The following GPM6A variants were observed in gnomAD, a reference collection of about 807,000 sequenced individuals.
GPM6A encodes glycoprotein M6A.
GPM6A carries 7 observed loss-of-function variants against 32.1 expected under a neutral mutation model. That is an observed-to-expected ratio of 0.22 (90% CI 0.12 to 0.41). The LOEUF is 0.41. Ranked by LOEUF, GPM6A falls within the 10% of genes least tolerant of loss-of-function variation. The pLI is 1.00. For synonymous variants in GPM6A, 130 were observed against 123.4 expected, an observed-to-expected ratio of 1.05 and a Z score of -0.35; for missense variants, 235 against 347.2, an observed-to-expected ratio of 0.68 and a Z score of 2.57.
intron 1 of GPM6A, among the ~76,000 whole-genome samples, chr4:175,710,488 A>G (rs1745466969): frequency 6.6e-6 from 1 of 152,154 alleles, no homozygotes; most frequent in African/African-American, 2.4e-5. Context: ...GTTTTCAAAT[A>G]TGAAAGCTTT....
intron 1 of GPM6A, among the ~76,000 whole-genome samples, chr4:175,869,618 A>G (rs1202001539): frequency 6.6e-6 from 1 of 152,092 alleles, no homozygotes; most frequent in African/African-American, 2.4e-5. Flanking sequence ...TTATCTGGGC[A>G]TGGTGGTGCG....
chr4:175,801,995 C>T (rs1169815827), intron 1 of GPM6A, among the ~76,000 whole-genome samples: 2 of 151,932 alleles, frequency 1.3e-5, no homozygotes, highest in East Asian at 1.9e-4. Flanking sequence ...TACTACACTC[C>T]GTATAAGTAT....
At chr4:175,800,942 A>G (rs1313579504) in intron 1 of GPM6A, 1 of 196,266 alleles carries the variant, frequency 5.1e-6, no homozygotes, top group African/African-American at 2.4e-5. Flanking sequence ...CAAATTTTCC[A>G]CTTTCAAGAT....
intron 4 of GPM6A, among the ~76,000 whole-genome samples, chr4:175,650,721 T>C (rs1741756002): frequency 6.6e-6 from 1 of 152,150 alleles, no homozygotes; most frequent in Non-Finnish European, 1.5e-5. Context: ...ACACAGCTAG[T>C]TGGCTACCCT....
At chr4:175,902,156 T>C (rs906827593) in intron 1 of GPM6A, among the ~76,000 whole-genome samples, 1 of 152,076 alleles carries the variant, frequency 6.6e-6, no homozygotes, top group Admixed American at 6.6e-5. Flanking sequence ...GATGCTACTC[T>C]GGAATAAAAA....
intron 1 of GPM6A, among the ~76,000 whole-genome samples, chr4:175,887,976 T>C (rs1737515770): frequency 6.6e-6 from 1 of 151,918 alleles, no homozygotes; most frequent in African/African-American, 2.4e-5. Context: ...ATTTTGCAAC[T>C]TAATGCTATA....
chr4:175,820,500 C>CTTTTTTTTTTTTTTTTT (rs66569311), intron 1 of GPM6A, among the ~76,000 whole-genome samples: 25 of 112,124 alleles, frequency 2.2e-4, no homozygotes, highest in South Asian at 2.9e-4. Flanking sequence ...TCTTTTCTTT[C>CTTTTTTTTTTTTTTTTT]TTTTTTTTTT....
At chr4:175,904,225 C>A (rs1738055240) in intron 1 of GPM6A, among the ~76,000 whole-genome samples, 1 of 152,080 alleles carries the variant, frequency 6.6e-6, no homozygotes, top group Admixed American at 6.6e-5. Context: ...ATTTATTATT[C>A]TGCCTAAGAT....
intron 1 of GPM6A, among the ~76,000 whole-genome samples, chr4:175,726,862 G>C (rs1731182560): frequency 6.6e-6 from 1 of 152,080 alleles, no homozygotes; most frequent in South Asian, 2.1e-4. Context: ...CGGGTGTGTT[G>C]ATGTGCACCT....
intron 1 of GPM6A, among the ~76,000 whole-genome samples, chr4:175,784,275 G>A (rs1225815072): frequency 2.0e-5 from 3 of 152,082 alleles, no homozygotes; most frequent in Non-Finnish European, 4.4e-5. Flanking sequence ...CTTCAAAAGT[G>A]TCAGGTCATG....
At chr4:175,730,617 C>T (rs1250581778) in intron 1 of GPM6A, among the ~76,000 whole-genome samples, 1 of 152,008 alleles carries the variant, frequency 6.6e-6, no homozygotes, top group East Asian at 1.9e-4. Context: ...ACTACAGGCG[C>T]CCGCCACCAC....
At chr4:175,664,484 C>A (rs1252388419) in intron 3 of GPM6A, among the ~76,000 whole-genome samples, 8 of 152,120 alleles carry the variant, frequency 5.3e-5, no homozygotes, top group Admixed American at 2.0e-4. Context: ...AATATTGCTG[C>A]CAATTTAAAA....
chr4:175,952,706 T>A (rs896335917), intron 1 of GPM6A, among the ~76,000 whole-genome samples: 2 of 152,244 alleles, frequency 1.3e-5, no homozygotes, highest in Admixed American at 1.3e-4. Context: ...TGAGCCATCC[T>A]GTCCACCAAT....
At chr4:175,728,968 G>A (rs76714656) in intron 1 of GPM6A, among the ~76,000 whole-genome samples, 6,658 of 151,998 alleles carry the variant, frequency 0.044, 190 homozygotes, top group Non-Finnish European at 0.063. Context: ...TAAGGTGTAT[G>A]ATCTACACTG....
At position 175,701,767 on chromosome 4, in the gene GPM6A, C is replaced by G. The variant is rs563782465; in HGVS notation, c.38G>C (p.Gly13Ala). ...GCATTTGATACAGCATTCAAAACAC[C>G]CTGTAGAAGATCACAAAGGGAGAAA... Reference protein sequence around the residue: ...ENMEEGQTQKGCFECCIKCLG... With the variant: ...ENMEEGQTQKACFECCIKCLG... The change falls in exon 2 of 7, where the codon GGG becomes GCG. Residue 13 changes from glycine to alanine, a missense_variant and splice_region_variant. By Grantham distance (60) the Gly-to-Ala change is moderately conservative. Coordinates refer to ENST00000393658, the MANE Select transcript of GPM6A (RefSeq NM_201591.3). The G allele has an allele frequency of 4.4e-6, 7 of 1,586,478 alleles. No homozygotes were observed. Among genetic ancestry groups the G allele is most frequent in the Non-Finnish European group, 6.0e-6 (7 of 1,166,482 alleles).
At chr4:175,853,479 C>T (rs1579568684) in intron 1 of GPM6A, among the ~76,000 whole-genome samples, 1 of 143,506 alleles carries the variant, frequency 7.0e-6, no homozygotes, top group African/African-American at 2.6e-5. Flanking sequence ...ACAAATCAGA[C>T]AATAATTGGG....
intron 3 of GPM6A, chr4:175,654,454 T>C (rs1480434347): frequency 6.6e-6 from 1 of 152,204 alleles, no homozygotes; most frequent in Non-Finnish European, 1.5e-5. Flanking sequence ...CATAAGAAGC[T>C]CTGACAAAAA....
intron 1 of GPM6A, among the ~76,000 whole-genome samples, chr4:175,981,887 T>C (rs1740829665): frequency 6.6e-6 from 1 of 152,176 alleles, no homozygotes; most frequent in Non-Finnish European, 1.5e-5. Context: ...GGACTTGGTA[T>C]TGTCAGGTTT....
chr4:175,975,655 A>G (rs963275440), intron 1 of GPM6A, among the ~76,000 whole-genome samples: 2 of 152,204 alleles, frequency 1.3e-5, no homozygotes, highest in African/African-American at 4.8e-5. Context: ...CTTACACCTT[A>G]TTCTAAAACA....
Sources: gnomAD v4.1 joint callset for allele counts (sites outside exome capture counted in the v4.1 genomes callset) on GRCh38, gnomAD v4.1.1 for gene constraint, MANE v1.5 for transcripts, NCBI Gene and HGNC (gene_info 2026-07-23, HGNC 2026-07-21) for gene names.